Variants in OXR1 observed in about 807,000 individuals in gnomAD.
OXR1 encodes the protein oxidation resistance protein 1.
OXR1 carries 41 observed loss-of-function variants against 104.6 expected under a neutral mutation model. That is an observed-to-expected ratio of 0.39 (90% CI 0.31 to 0.51). The LOEUF is 0.51. Among genes scored for constraint, OXR1 ranks in the 20% least tolerant of loss-of-function variants. The pLI, the probability that OXR1 is intolerant of heterozygous loss-of-function variation, is 0.77. For missense variants in OXR1, 955 were observed against 1,031.9 expected, an observed-to-expected ratio of 0.93 and a Z score of 1.02; for synonymous variants, 348 against 348.4, an observed-to-expected ratio of 1.00 and a Z score of 0.01.
At chr8:106,578,694 G>C (rs1297278449) in intron 3 of OXR1, among the ~76,000 whole-genome samples, 1 of 152,152 alleles carries the variant, frequency 6.6e-6, no homozygotes. Flanking sequence ...GATTTAATGT[G>C]GTTGTAAAAT....
intron 3 of OXR1, among the ~76,000 whole-genome samples, chr8:106,593,545 A>G (rs1043373905): frequency 4.6e-5 from 7 of 152,292 alleles, no homozygotes; most frequent in African/African-American, 7.2e-5. Context: ...TTGGGAGGCC[A>G]AGGCGGGCGG....
chr8:106,390,567 C>A (rs570019916), intron 2 of OXR1, among the ~76,000 whole-genome samples: 1 of 152,098 alleles, frequency 6.6e-6, no homozygotes, highest in Non-Finnish European at 1.5e-5. Context: ...ATCAGAACAA[C>A]GCTTCAAACC....
At chr8:106,729,158 A>C (rs1187056004) in intron 11 of OXR1, among the ~76,000 whole-genome samples, 1 of 152,132 alleles carries the variant, frequency 6.6e-6, no homozygotes, top group Non-Finnish European at 1.5e-5. Context: ...ACCTTATTTA[A>C]TTCTCACAAC....
At chr8:106,298,828 A>G (rs1330803672) in intron 1 of OXR1, among the ~76,000 whole-genome samples, 1 of 152,014 alleles carries the variant, frequency 6.6e-6, no homozygotes, top group Non-Finnish European at 1.5e-5. Context: ...GAAGGATAAA[A>G]CCTTTACTAA....
intron 3 of OXR1, among the ~76,000 whole-genome samples, chr8:106,629,388 G>A (rs1822475046): frequency 6.6e-6 from 1 of 152,090 alleles, no homozygotes; most frequent in East Asian, 1.9e-4. Flanking sequence ...TGAGCACATG[G>A]TCACCAAGTG....
chr8:106,271,537 GGCGTGTGTGT>G lies in OXR1; in HGVS notation c.-139+1180_-139+1189del, dbSNP rs1173441120. Among the ~76,000 whole-genome samples the G allele has an allele frequency of 1.4e-4, 21 of 152,100 alleles. No individual in the cohort carries two copies. In the East Asian group the frequency reaches 3.9e-3, roughly 28 times the overall value. On this transcript the variant is annotated intron_variant, in intron 1 of 16. Transcript: ENST00000517566. ...GTCTGCAGCGTGCAACTCGCAGCGG[GGCGTGTGTGT>G]GCGTGTGTGCGCGCGCGTGTGCATG...
chr8:106,335,905 G>A lies in OXR1; in HGVS notation c.-138-23571G>A, dbSNP rs189581892. Among the ~76,000 whole-genome samples, 473 of 152,150 alleles carry A rather than the reference G, an allele frequency of 3.1e-3. 1 individual carries two copies. The highest frequency in any genetic ancestry group is 0.011 in the African/African-American group (456 of 41,510). On this transcript the variant is annotated intron_variant, in intron 1 of 16. Coordinates refer to ENST00000517566, the MANE Select transcript of OXR1 (RefSeq NM_001198533.2). ...GAGATCAGGAGTTTGAAACCAGCCT[G>A]GCCAACATGGCAAAACACTGTCTCT...
intron 12 of OXR1, among the ~76,000 whole-genome samples, chr8:106,739,075 TACACACACACACACAC>T (rs71307086): frequency 3.5e-4 from 50 of 141,628 alleles, no homozygotes; most frequent in Admixed American, 4.3e-4. Context: ...TTAAATAGCA[TACACACACACACACAC>T]ACACACACAC....
chr8:106,630,119 G>A (rs569339899), intron 3 of OXR1, among the ~76,000 whole-genome samples: 14 of 152,240 alleles, frequency 9.2e-5, no homozygotes, highest in African/African-American at 3.1e-4. Flanking sequence ...TTTCTCTGTA[G>A]ATATAAAAGG....
chr8:106,708,866 T>C (rs773149934), intron 9 of OXR1, among the ~76,000 whole-genome samples: 2 of 151,974 alleles, frequency 1.3e-5, no homozygotes, highest in Non-Finnish European at 2.9e-5. Flanking sequence ...CCATAGTGGC[T>C]GCACCATTTT....
chr8:106,585,739 A>T (rs1818580959), intron 3 of OXR1, among the ~76,000 whole-genome samples: 1 of 152,208 alleles, frequency 6.6e-6, no homozygotes, highest in South Asian at 2.1e-4. Context: ...AGTAAGCCTC[A>T]TTGAGAAGAT....
At chr8:106,743,256 A>G (rs1234284787) in intron 15 of OXR1, among the ~76,000 whole-genome samples, 1 of 152,218 alleles carries the variant, frequency 6.6e-6, no homozygotes, top group Non-Finnish European at 1.5e-5. Flanking sequence ...CAGAATGGCT[A>G]TTATTAAAAA....
chr8:106,519,049 A>AC lies in OXR1; in HGVS notation c.135dup (p.Ile46HisfsTer3). The AC allele has an allele frequency of 6.4e-7, 1 of 1,551,964 alleles. No individual in the cohort carries two copies. Among genetic ancestry groups the AC allele is most frequent in the Non-Finnish European group, 8.7e-7 (1 of 1,146,980 alleles). On this transcript the variant is annotated frameshift_variant, in exon 3 of 17. Transcript: ENST00000517566. LOFTEE classifies it high-confidence loss of function. ...AGCCAGTAAGCCCCCGGCACCCAAG[A>AC]CCCCCATCATTGAAGAAGAGCAGAA...
At chr8:106,696,700 C>G (rs989430132) in intron 7 of OXR1, among the ~76,000 whole-genome samples, 2 of 152,162 alleles carry the variant, frequency 1.3e-5, no homozygotes, top group Admixed American at 6.5e-5. Flanking sequence ...TAGAAATTCT[C>G]TAATGGCATA....
At chr8:106,311,981 A>G (rs542321363) in intron 1 of OXR1, among the ~76,000 whole-genome samples, 2 of 151,640 alleles carry the variant, frequency 1.3e-5, no homozygotes, top group East Asian at 3.9e-4. Flanking sequence ...TGACTTTTAT[A>G]TCCTCATCTT....
Position 106,368,471 on chromosome 8 carries a change from T to C in OXR1, c.23+8835T>C, listed in dbSNP as rs1176959269. ...AAAAATGGGATATATGTGCACAGTT[T>C]TCAGGTTTGTTACATAGGTGTATGT... On this transcript the variant is annotated intron_variant, in intron 2 of 16. Coordinates refer to ENST00000517566, the MANE Select transcript of OXR1 (RefSeq NM_001198533.2). Among the ~76,000 whole-genome samples the C allele has an allele frequency of 2.6e-5, 4 of 152,276 alleles. No individual in the cohort carries two copies. In the South Asian group the frequency reaches 8.3e-4, roughly 32 times the overall value.
At chr8:106,476,593 T>G (rs916417088) in intron 2 of OXR1, among the ~76,000 whole-genome samples, 6 of 151,904 alleles carry the variant, frequency 3.9e-5, no homozygotes, top group African/African-American at 1.4e-4. Flanking sequence ...GTGGCATTTT[T>G]CCCCCCAGAA....
At chr8:106,390,855 T>C (rs1376176822) in intron 2 of OXR1, among the ~76,000 whole-genome samples, 1 of 152,148 alleles carries the variant, frequency 6.6e-6, no homozygotes, top group African/African-American at 2.4e-5. Flanking sequence ...TATAGTTTGG[T>C]CTTAAGTGAA....
At chr8:106,653,076 A>AT in intron 3 of OXR1, among the ~76,000 whole-genome samples, 1 of 117,418 alleles carries the variant, frequency 8.5e-6, no homozygotes, top group African/African-American at 3.4e-5. Context: ...AAATAGAAAA[A>AT]AAAAAAAATA....
Sources: gnomAD v4.1 joint callset for allele counts (sites outside exome capture counted in the v4.1 genomes callset) on GRCh38, gnomAD v4.1.1 for gene constraint, MANE v1.5 for transcripts, NCBI Gene and HGNC (gene_info 2026-07-23, HGNC 2026-07-21) for gene names.